The following EYA1 variants were observed in gnomAD, a reference collection of about 807,000 sequenced individuals.
The protein encoded by EYA1 is protein phosphatase EYA1.
EYA1 carries 16 observed loss-of-function variants against 82.0 expected under a neutral mutation model. That is an observed-to-expected ratio of 0.20 (90% CI 0.13 to 0.30). The LOEUF (loss-of-function observed/expected upper bound fraction) is 0.30. EYA1 is among the 10% of genes least tolerant of loss of function. The pLI is 1.00. For synonymous variants in EYA1, 261 were observed against 264.4 expected (o/e 0.99, Z 0.12); for missense variants, 633 against 730.7 (o/e 0.87, Z 1.54).
intron 2 of EYA1, among the ~76,000 whole-genome samples, chr8:71,468,167 G>T (rs1440146566): frequency 6.6e-6 from 1 of 152,106 alleles, no homozygotes; most frequent in Non-Finnish European, 1.5e-5. Context: ...GGATCCATGA[G>T]ATTTATTATT....
chr8:71,379,280 T>C (rs560951762), intron 2 of EYA1, among the ~76,000 whole-genome samples: 28 of 152,026 alleles, frequency 1.8e-4, no homozygotes, highest in Admixed American at 3.3e-4. Flanking sequence ...CCAGGTTTCA[T>C]AGTGATTTAG....
intron 7 of EYA1, among the ~76,000 whole-genome samples, chr8:71,304,585 CAT>C (rs554942933): frequency 1.4e-5 from 2 of 142,770 alleles, no homozygotes; most frequent in African/African-American, 2.5e-5. Flanking sequence ...TGAAAATCCA[CAT>C]GTTTACCAAA....
chr8:71,347,885 C>CAAAAAAAAAAAAAAAAA, intron 3 of EYA1, among the ~76,000 whole-genome samples: 1 of 80,844 alleles, frequency 1.2e-5, no homozygotes, highest in Non-Finnish European at 2.4e-5. Context: ...TGGAGGCATG[C>CAAAAAAAAAAAAAAAAA]AAAAAAAAAA....
chr8:71,399,776 T>G (rs1829846515), intron 2 of EYA1, among the ~76,000 whole-genome samples: 1 of 152,136 alleles, frequency 6.6e-6, no homozygotes, highest in Non-Finnish European at 1.5e-5. Context: ...TTGAAATGCT[T>G]CACAGGATCA....
intron 2 of EYA1, among the ~76,000 whole-genome samples, chr8:71,369,379 A>G (rs1827960852): frequency 6.6e-6 from 1 of 152,188 alleles, no homozygotes; most frequent in African/African-American, 2.4e-5. Flanking sequence ...ACTACTCACC[A>G]GATTAAAACA....
intron 2 of EYA1, among the ~76,000 whole-genome samples, chr8:71,472,923 G>C (rs1809343805): frequency 1.3e-5 from 2 of 151,266 alleles, no homozygotes; most frequent in African/African-American, 4.9e-5. Context: ...GGTGGGAGAA[G>C]AGTATATAAT....
intron 2 of EYA1, among the ~76,000 whole-genome samples, chr8:71,395,885 C>T (rs1459220945): frequency 6.6e-6 from 1 of 152,094 alleles, no homozygotes; most frequent in Non-Finnish European, 1.5e-5. Flanking sequence ...CCTGTTTGTA[C>T]ATGTGGTAGA....
chr8:71,218,049 A>G (rs1238312007), intron 12 of EYA1, among the ~76,000 whole-genome samples: 3 of 152,204 alleles, frequency 2.0e-5, no homozygotes, highest in African/African-American at 7.2e-5. Context: ...GGCTGCTTTC[A>G]TATTTCAGTC....
intron 2 of EYA1, among the ~76,000 whole-genome samples, chr8:71,480,434 A>G (rs936454997): frequency 1.3e-5 from 2 of 152,194 alleles, no homozygotes; most frequent in African/African-American, 4.8e-5. Context: ...GCTGTTTTCT[A>G]TCCTCATCAC....
At chr8:71,287,099 C>G (rs545528571) in intron 9 of EYA1, among the ~76,000 whole-genome samples, 129 of 151,842 alleles carry the variant, frequency 8.5e-4, no homozygotes, top group African/African-American at 2.9e-3. Context: ...CCCGCTTGGC[C>G]TAAATTTTTT....
intron 9 of EYA1, among the ~76,000 whole-genome samples, chr8:71,277,116 T>TG (rs1491563125): frequency 7.1e-4 from 11 of 15,432 alleles, no homozygotes; most frequent in East Asian, 4.4e-3. Context: ...GCTTCACACA[T>TG]TTTTTTTTTT....
At chr8:71,353,777 A>G in intron 3 of EYA1, among the ~76,000 whole-genome samples, 1 of 152,344 alleles carries the variant, frequency 6.6e-6, no homozygotes, top group African/African-American at 2.4e-5. Flanking sequence ...TTGTGTAATG[A>G]AAGATCACCA....
intron 9 of EYA1, among the ~76,000 whole-genome samples, chr8:71,288,778 C>A (rs568944149): frequency 2.0e-5 from 3 of 152,230 alleles, no homozygotes; most frequent in Middle Eastern, 3.4e-3. Flanking sequence ...AAATACTGCA[C>A]AAATATAATG....
At chr8:71,397,765 T>A (rs533001870) in intron 2 of EYA1, among the ~76,000 whole-genome samples, 2 of 152,124 alleles carry the variant, frequency 1.3e-5, no homozygotes, top group South Asian at 4.2e-4. Context: ...CAATTGTGTG[T>A]CTTGGAGTGG....
intron 2 of EYA1, among the ~76,000 whole-genome samples, chr8:71,385,718 G>A (rs1259778707): frequency 2.0e-5 from 3 of 152,100 alleles, no homozygotes; most frequent in Non-Finnish European, 4.4e-5. Flanking sequence ...TTAACGCAAT[G>A]TTTTTCCAGA....
intron 2 of EYA1, among the ~76,000 whole-genome samples, chr8:71,433,993 G>A (rs559878863): frequency 6.6e-6 from 1 of 152,290 alleles, no homozygotes; most frequent in African/African-American, 2.4e-5. Context: ...GAGTTGCAGC[G>A]GTGGAGTTCC....
rs529572741 is a variant in EYA1 at position 71,346,389 on chromosome 8, TAC to T, written c.124+8391_124+8392del. ...TAGATATACTACATGTATACACACA[TAC>T]ACACACACACATACACACTTTTATT... On this transcript the variant is annotated intron_variant, in intron 3 of 17. Transcript: ENST00000340726. Among the ~76,000 whole-genome samples the T allele has an allele frequency of 5.0e-5, 7 of 140,244 alleles. No individual in the cohort carries two copies. The East Asian group carries it at 1.4e-3, about 28-fold the overall frequency. The allele number at this position is 140,244 out of a possible 152,430, so 92.0% of individuals were successfully genotyped here. A position where few individuals can be genotyped will look rare whatever the true frequency, so the allele number is the denominator to read the frequency against.
At chr8:71,294,837 C>G (rs959194078) in intron 9 of EYA1, among the ~76,000 whole-genome samples, 1 of 152,130 alleles carries the variant, frequency 6.6e-6, no homozygotes, top group Non-Finnish European at 1.5e-5. Context: ...GACTTTAGGA[C>G]TTACTATAAA....
At chr8:71,216,574 G>T in intron 14 of EYA1, 118 bp downstream of exon 14, 1 of 1,100,356 alleles carries the variant, frequency 9.1e-7, no homozygotes, top group Non-Finnish European at 1.4e-6. Flanking sequence ...CCAGTGAGAT[G>T]AAACTGCCCA....
Sources: gnomAD v4.1 joint callset for allele counts (sites outside exome capture counted in the v4.1 genomes callset) on GRCh38, gnomAD v4.1.1 for gene constraint, MANE v1.5 for transcripts, NCBI Gene and HGNC (gene_info 2026-07-23, HGNC 2026-07-21) for gene names.